Variants in UBE2D3 observed in about 807,000 individuals in gnomAD.
UBE2D3 encodes the protein ubiquitin conjugating enzyme E2 D3, also known as ubiquitin-conjugating enzyme E2 D3.
In UBE2D3, 2 loss-of-function variants were observed where a neutral mutation model predicts 22.8. The ratio of observed to expected loss-of-function variants is 0.09; its 90% CI spans 0.04 to 0.28. The LOEUF is 0.28. Among genes scored for constraint, UBE2D3 ranks in the 10% least tolerant of loss-of-function variants. The probability of loss-of-function intolerance (pLI) is 1.00; values close to 1 mark genes in which losing one functional copy is unlikely to be tolerated. For synonymous variants in UBE2D3, 56 were observed against 60.4 expected (o/e 0.93, Z 0.34); for missense variants, 27 against 182.5 (o/e 0.15, Z 4.91).
chr4:102,827,238 C>G, intron 1 of UBE2D3, 189 bp downstream of exon 1: 1 of 977,422 alleles, frequency 1.0e-6, no homozygotes, highest in Non-Finnish European at 1.2e-6. Flanking sequence ...GGCTTAGGCG[C>G]GAGGACGCGC....
chr4:102,854,205 A>G (rs1164605615), intron 1 of UBE2D3, among the ~76,000 whole-genome samples: 1 of 152,208 alleles, frequency 6.6e-6, no homozygotes, highest in African/African-American at 2.4e-5. Context: ...TTTGTTGTGT[A>G]TCTATTAATT....
At chr4:102,828,319 T>C, upstream of UBE2D3, 2 of 956,970 alleles carry the variant, frequency 2.1e-6, no homozygotes, top group East Asian at 1.2e-4. Context: ...GTGGAGCAGG[T>C]GAGCAGTATT....
intron 1 of UBE2D3, among the ~76,000 whole-genome samples, chr4:102,833,757 C>T (rs1731236744): frequency 6.6e-6 from 1 of 152,190 alleles, no homozygotes; most frequent in Admixed American, 6.5e-5. Flanking sequence ...CATTCTCATT[C>T]TGGATCTCAG....
intron 1 of UBE2D3, among the ~76,000 whole-genome samples, chr4:102,852,603 A>G (rs1732416619): frequency 6.6e-6 from 1 of 152,186 alleles, no homozygotes; most frequent in South Asian, 2.1e-4. Context: ...TCCTTTTGAT[A>G]GCTGTATAAT....
chr4:102,828,271 C>T (rs555949403), upstream of UBE2D3: 10 of 985,222 alleles, frequency 1.0e-5, no homozygotes, highest in African/African-American at 1.7e-5. Flanking sequence ...TTACCAGATA[C>T]CTTTAGTCTA....
intron 6 of UBE2D3, 108 bp downstream of exon 6, chr4:102,801,346 C>T (rs1726125184): frequency 5.7e-6 from 5 of 875,338 alleles, no homozygotes; most frequent in African/African-American, 1.8e-5. Flanking sequence ...TTATTGCTTC[C>T]CCATCTCTTA....
intron 2 of UBE2D3, among the ~76,000 whole-genome samples, chr4:102,818,557 A>G (rs115208727): frequency 7.0e-4 from 107 of 152,322 alleles, no homozygotes; most frequent in African/African-American, 2.4e-3. Context: ...GAAATTTGAG[A>G]CAGCAACAGA....
intron 1 of UBE2D3, among the ~76,000 whole-genome samples, chr4:102,866,931 G>C (rs560809096): frequency 6.6e-6 from 1 of 152,206 alleles, no homozygotes; most frequent in Non-Finnish European, 1.5e-5. Context: ...GAATAGTCCA[G>C]AGGACAAGGA....
intron 1 of UBE2D3, 129 bp downstream of exon 1, chr4:102,827,298 C>G: frequency 3.2e-6 from 3 of 944,644 alleles, no homozygotes; most frequent in Non-Finnish European, 3.8e-6. Flanking sequence ...CCCCAACCTT[C>G]CCACCCTAAC....
At chr4:102,853,135 A>ATCTTTTTTTTTTTTTTTTTTTTTTTTTTT (rs386626793) in intron 1 of UBE2D3, among the ~76,000 whole-genome samples, 2 of 88,598 alleles carry the variant, frequency 2.3e-5, no homozygotes, top group African/African-American at 4.7e-5. Flanking sequence ...AAACACACAC[A>ATCTTTTTTTTTTTTTTTTTTTTTTTTTTT]TTTTTTTTTT....
chr4:102,863,019 TGG>T (rs1732969618), intron 1 of UBE2D3, among the ~76,000 whole-genome samples: 1 of 152,036 alleles, frequency 6.6e-6, no homozygotes, highest in South Asian at 2.1e-4. Flanking sequence ...GTGAGGGGTA[TGG>T]GTATGCCCAG....
At chr4:102,822,871 G>C (rs375756818) in intron 2 of UBE2D3, among the ~76,000 whole-genome samples, 1 of 152,218 alleles carries the variant, frequency 6.6e-6, no homozygotes, top group South Asian at 2.1e-4. Flanking sequence ...AGAAGGCAGA[G>C]CTTGCAGTGA....
At chr4:102,862,548 G>C (rs1732949422) in intron 1 of UBE2D3, among the ~76,000 whole-genome samples, 1 of 151,960 alleles carries the variant, frequency 6.6e-6, no homozygotes, top group Non-Finnish European at 1.5e-5. Flanking sequence ...CTTTTTCTTA[G>C]TTTATTCCTC....
chr4:102,805,278 T>C lies in UBE2D3; in HGVS notation c.121-2640A>G, dbSNP rs536449137. Among the ~76,000 whole-genome samples the C allele has an allele frequency of 5.3e-5, 8 of 152,258 alleles. No individual in the cohort carries two copies. In the South Asian group the frequency reaches 1.0e-3, roughly 20 times the overall value. ...TATAAAAAATTGAGACCCTATGATA[T>C]TTAAATTCTATTATGAATCAGCAGC... is the stretch of plus-strand genomic sequence containing the variant. On this transcript the variant is annotated intron_variant, in intron 4 of 7. Coordinates refer to ENST00000453744, the MANE Select transcript of UBE2D3 (RefSeq NM_181891.3).
intron 2 of UBE2D3, chr4:102,825,927 C>T: frequency 2.6e-6 from 1 of 377,750 alleles, no homozygotes. Context: ...TTCGGTGTAA[C>T]CTGCCCAGAG....
upstream of UBE2D3, among the ~76,000 whole-genome samples, chr4:102,831,286 C>T (rs953594363): frequency 6.6e-6 from 1 of 152,170 alleles, no homozygotes; most frequent in Non-Finnish European, 1.5e-5. Context: ...GATTTCTATA[C>T]TTAACAATTC....
intron 7 of UBE2D3, among the ~76,000 whole-genome samples, chr4:102,797,769 G>A (rs1725433601): frequency 6.6e-6 from 1 of 151,740 alleles, no homozygotes; most frequent in Admixed American, 6.6e-5. Flanking sequence ...TAATTTTAAC[G>A]TGAAGAAATT....
At chr4:102,833,912 C>T (rs1293200614) in intron 1 of UBE2D3, among the ~76,000 whole-genome samples, 3 of 152,216 alleles carry the variant, frequency 2.0e-5, no homozygotes. Flanking sequence ...ACCTACCCCT[C>T]TGCCCGCCAG....
intron 2 of UBE2D3, among the ~76,000 whole-genome samples, chr4:102,814,557 C>A (rs2110296623): frequency 6.6e-6 from 1 of 151,420 alleles, no homozygotes; most frequent in African/African-American, 2.4e-5. Context: ...CCTGCCTCGG[C>A]CTCCCAAAGT....
Sources: gnomAD v4.1 joint callset for allele counts (sites outside exome capture counted in the v4.1 genomes callset) on GRCh38, gnomAD v4.1.1 for gene constraint, MANE v1.5 for transcripts, NCBI Gene and HGNC (gene_info 2026-07-23, HGNC 2026-07-21) for gene names.